CDH2: variants seen among roughly 807,000 people sequenced by gnomAD.
CDH2 encodes cadherin-2.
CDH2 carries 17 observed loss-of-function variants against 92.0 expected under a neutral mutation model. That is an observed-to-expected ratio of 0.18 (90% CI 0.13 to 0.28). The LOEUF (loss-of-function observed/expected upper bound fraction) is 0.28, where lower values mean the gene tolerates loss of function less well. CDH2 is among the 10% of genes least tolerant of loss of function. CDH2 has a pLI of 1.00. For synonymous variants in CDH2, 419 were observed against 415.9 expected (o/e 1.01, Z -0.09); for missense variants, 862 against 1,133.1 (o/e 0.76, Z 3.44).
intron 7 of CDH2, among the ~76,000 whole-genome samples, chr18:27,997,093 A>C (rs17522408): frequency 6.6e-6 from 1 of 152,242 alleles, no homozygotes; most frequent in East Asian, 1.9e-4. Flanking sequence ...TAAAAAATAA[A>C]CATGATGAAA....
At chr18:28,123,229 A>G (rs2015621543) in intron 2 of CDH2, among the ~76,000 whole-genome samples, 3 of 152,182 alleles carry the variant, frequency 2.0e-5, no homozygotes, top group Non-Finnish European at 4.4e-5. Flanking sequence ...AAGAAAGTAC[A>G]ATATATTCCA....
At chr18:28,173,500 G>A (rs1399383873) in intron 1 of CDH2, among the ~76,000 whole-genome samples, 2 of 152,096 alleles carry the variant, frequency 1.3e-5, no homozygotes, top group Non-Finnish European at 2.9e-5. Flanking sequence ...CCACATTCTA[G>A]AACAAAGCTG....
intron 6 of CDH2, among the ~76,000 whole-genome samples, chr18:27,934,729 A>G (rs1908979385): frequency 6.6e-6 from 1 of 152,158 alleles, no homozygotes; most frequent in Non-Finnish European, 1.5e-5. Flanking sequence ...CTAATCAATT[A>G]ACTAATTTGG....
At chr18:27,968,877 A>G (rs1394009079) in intron 14 of CDH2, among the ~76,000 whole-genome samples, 1 of 152,248 alleles carries the variant, frequency 6.6e-6, no homozygotes, top group African/African-American at 2.4e-5. Flanking sequence ...GGCACAGGCA[A>G]GAAACTTCAG....
intron 2 of CDH2, among the ~76,000 whole-genome samples, chr18:28,088,164 C>T (rs1327640893): frequency 6.6e-6 from 1 of 152,046 alleles, no homozygotes; most frequent in Admixed American, 6.6e-5. Context: ...ACTACATTGA[C>T]AAAAACAGGG....
intron 5 of CDH2, among the ~76,000 whole-genome samples, chr18:28,008,944 T>C (rs2013020473): frequency 6.6e-6 from 1 of 152,038 alleles, no homozygotes; most frequent in Non-Finnish European, 1.5e-5. Context: ...TAGCTAGTCA[T>C]AAAGGAAAAA....
At chr18:28,097,033 C>T (rs1485361006) in intron 2 of CDH2, 2 of 152,232 alleles carry the variant, frequency 1.3e-5, no homozygotes, top group East Asian at 3.8e-4. Context: ...CCATCCAATT[C>T]TCACAGCCGC....
rs527403691 is a variant in CDH2 at position 27,970,636 on chromosome 18, T to C, written c.2350-7115A>G. Among the ~76,000 whole-genome samples the C allele has an allele frequency of 1.8e-3, 271 of 152,314 alleles. 1 individual carries two copies. Among genetic ancestry groups the C allele is most frequent in the African/African-American group, 6.2e-3 (258 of 41,582 alleles). ...TTTTAACTGTGTGACCTTGAGCAGATTACATAAACTTCCCATGCTAACCTT... is the reference window on the plus strand; with the variant it reads ...TTTTAACTGTGTGACCTTGAGCAGACTACATAAACTTCCCATGCTAACCTT... On this transcript the variant is annotated intron_variant, in intron 14 of 15. Transcript: ENST00000269141.
At position 27,951,632 on chromosome 18, in the gene CDH2, A is replaced by C. The variant is rs202136431; in HGVS notation, c.*521T>G. Reference sequence around the variant, plus strand: ...TTTTAAGATTTTAGTGAAAAAAAAAAAAACAAACTAAAGTCTAAAACTAGA... The same window carrying C: ...TTTTAAGATTTTAGTGAAAAAAAAACAAACAAACTAAAGTCTAAAACTAGA... On this transcript the variant is annotated 3_prime_UTR_variant, in exon 16 of 16. Transcript: ENST00000269141. The C allele has an allele frequency of 2.6e-5, 4 of 152,264 alleles. No individual in the cohort carries two copies. The highest frequency in any genetic ancestry group is 1.9e-4 in the East Asian group (1 of 5,182). The allele number at this position is 152,264 out of a possible 1,614,324, so 9.4% of individuals were successfully genotyped here.
chr18:28,119,980 C>A (rs888631240), intron 2 of CDH2, among the ~76,000 whole-genome samples: 18 of 152,058 alleles, frequency 1.2e-4, no homozygotes, highest in Admixed American at 1.3e-4. Context: ...CCCTGGATGA[C>A]TTCATGGAAC....
chr18:28,083,398 G>A (rs2014867303), intron 2 of CDH2, among the ~76,000 whole-genome samples: 1 of 151,966 alleles, frequency 6.6e-6, no homozygotes, highest in South Asian at 2.1e-4. Context: ...GAAAAACCTG[G>A]ACCACACTGG....
At position 27,990,212 on chromosome 18, in the gene CDH2, G is replaced by C. The variant is rs200059562; in HGVS notation, c.1483C>G (p.Pro495Ala). The part of the protein sequence containing the change: ...SVTVIDVNEN[P>A]YFAPNPKIIR... The stretch of plus-strand genomic sequence containing the variant: ...ATCTTAGGATTGGGGGCAAAATAAG[G>C]GTTTTCATTTACGTCAATAACTGTA... The change falls in exon 10 of 16, where the codon CCT (proline) becomes GCT (alanine). Residue 495 changes from proline to alanine, a missense_variant. Physicochemically the swap from Pro to Ala is conservative, Grantham distance 27. Around this residue, in one of 5 missense-constraint regions of CDH2, gnomAD observed 564 missense variants for 722.2 expected, o/e 0.78. Coordinates refer to ENST00000269141, the MANE Select transcript of CDH2 (RefSeq NM_001792.5). 3.0e-5 allele frequency: 48 copies of C among 1,613,976 alleles called. No individual in the cohort carries two copies. Among genetic ancestry groups the C allele is most frequent in the Admixed American group, 5.0e-5 (3 of 59,990 alleles).
At chr18:28,131,146 T>C (rs1235664157) in intron 2 of CDH2, among the ~76,000 whole-genome samples, 1 of 152,170 alleles carries the variant, frequency 6.6e-6, no homozygotes, top group African/African-American at 2.4e-5. Flanking sequence ...AAAAAGATAT[T>C]TTAAGTTCTT....
chr18:27,968,307 C>T (rs2011578825), intron 14 of CDH2, among the ~76,000 whole-genome samples: 1 of 152,096 alleles, frequency 6.6e-6, no homozygotes, highest in African/African-American at 2.4e-5. Flanking sequence ...CAGAGCCCAC[C>T]AGGGCAAGCA....
At chr18:28,027,609 T>C (rs2144074645) in intron 2 of CDH2, among the ~76,000 whole-genome samples, 1 of 152,216 alleles carries the variant, frequency 6.6e-6, no homozygotes, top group African/African-American at 2.4e-5. Flanking sequence ...CTTTCAGTAG[T>C]CTAGTAATGC....
chr18:27,938,493 G>A (rs527630211), intron 6 of CDH2, among the ~76,000 whole-genome samples: 5 of 152,082 alleles, frequency 3.3e-5, no homozygotes, highest in African/African-American at 1.2e-4. Context: ...ATTTTAAGGT[G>A]ATAAAATGTT....
At chr18:28,022,022 GA>G (rs1346687845) in intron 2 of CDH2, among the ~76,000 whole-genome samples, 3 of 151,566 alleles carry the variant, frequency 2.0e-5, no homozygotes, top group Admixed American at 1.3e-4. Flanking sequence ...TAGGAGGGAG[GA>G]AGGTAGGGAG....
At chr18:28,131,754 CCTA>C (rs1190932276) in intron 2 of CDH2, among the ~76,000 whole-genome samples, 3 of 150,732 alleles carry the variant, frequency 2.0e-5, no homozygotes, top group East Asian at 2.0e-4. Flanking sequence ...TTTCATCTTA[CCTA>C]CTATTTTCCA....
intron 2 of CDH2, among the ~76,000 whole-genome samples, chr18:28,077,890 CAAAAAAAAAAA>C (rs71171659): frequency 4.5e-4 from 30 of 67,356 alleles, no homozygotes; most frequent in East Asian, 3.2e-3. Context: ...GACCCTGTCT[CAAAAAAAAAAA>C]AAAAAAAAAA....
Sources: allele counts gnomAD v4.1 joint callset (sites outside exome capture counted in the v4.1 genomes callset), GRCh38; gene constraint gnomAD v4.1.1; regional missense constraint gnomAD v4.1.1; transcripts MANE v1.5; gene names NCBI Gene and HGNC (gene_info 2026-07-23, HGNC 2026-07-21).